The following ALOX5AP variants were observed in gnomAD, a reference collection of about 807,000 sequenced individuals.
The protein encoded by ALOX5AP is arachidonate 5-lipoxygenase activating protein, also known as arachidonate 5-lipoxygenase-activating protein.
A neutral mutation model predicts 18.5 loss-of-function variants in ALOX5AP; 9 were observed. That is an observed-to-expected ratio of 0.49 (90% CI 0.29 to 0.85). The LOEUF is 0.85. Among genes scored for constraint, ALOX5AP ranks in the 40% least tolerant of loss-of-function variants. The probability of loss-of-function intolerance (pLI) is 0.08; values close to 1 mark genes in which losing one functional copy is unlikely to be tolerated. For missense variants in ALOX5AP, 172 were observed against 202.5 expected, an observed-to-expected ratio of 0.85 and a Z score of 0.91; for synonymous variants, 81 against 78.6, an observed-to-expected ratio of 1.03 and a Z score of -0.16.
upstream of ALOX5AP, among the ~76,000 whole-genome samples, chr13:30,734,638 T>A (rs1009574096): frequency 6.6e-6 from 1 of 152,208 alleles, no homozygotes; most frequent in African/African-American, 2.4e-5. Context: ...CTACTCTTAT[T>A]CAGTTGAAAA....
intron 2 of ALOX5AP, among the ~76,000 whole-genome samples, chr13:30,744,682 T>TC (rs1202733333): frequency 6.6e-6 from 1 of 152,198 alleles, no homozygotes; most frequent in Non-Finnish European, 1.5e-5. Context: ...GCAGGTGCTT[T>TC]CCCCCTCTCT....
intron 2 of ALOX5AP, 105 bp downstream of exon 2, chr13:30,744,264 T>C (rs3803278): frequency 0.24 from 238,092 of 1,012,248 alleles, 29,809 homozygotes; most frequent in East Asian, 0.43. Flanking sequence ...CTGAGCCAAG[T>C]TTCTGAGCGC....
chr13:30,747,893 C>T (rs766089446), intron 2 of ALOX5AP, among the ~76,000 whole-genome samples: 33 of 151,972 alleles, frequency 2.2e-4, no homozygotes, highest in Non-Finnish European at 4.1e-4. Flanking sequence ...TCTTGGTGTC[C>T]ATTCTAGACT....
intron 2 of ALOX5AP, among the ~76,000 whole-genome samples, chr13:30,749,778 T>C (rs1951837204): frequency 6.6e-6 from 1 of 152,208 alleles, no homozygotes; most frequent in Non-Finnish European, 1.5e-5. Context: ...GTTTCTCATC[T>C]GTTACCTTCA....
chr13:30,713,747 G>A, exon 1 of ALOX5AP: 3 of 1,534,800 alleles, frequency 2.0e-6, no homozygotes, highest in East Asian at 2.4e-5. Context: ...TAATCACGAT[G>A]CTCCCTGGCA....
At chr13:30,753,409 G>C (rs1951867944) in intron 3 of ALOX5AP, among the ~76,000 whole-genome samples, 1 of 152,182 alleles carries the variant, frequency 6.6e-6, no homozygotes, top group South Asian at 2.1e-4. Flanking sequence ...GATGATGCTT[G>C]ATCTAGATGA....
upstream of ALOX5AP, among the ~76,000 whole-genome samples, chr13:30,734,486 A>G (rs145545316): frequency 1.7e-3 from 255 of 152,346 alleles, no homozygotes; most frequent in African/African-American, 5.9e-3. Flanking sequence ...TAAGTCTGGG[A>G]CAAAGATTGC....
At position 30,735,661 on chromosome 13, in the gene ALOX5AP, G is replaced by A; in HGVS notation, c.56G>A (p.Ser19Asn). 7 of 1,614,128 alleles carry A rather than the reference G, an allele frequency of 4.3e-6. No individual in the cohort carries two copies. The highest frequency in any genetic ancestry group is 5.9e-6 in the Non-Finnish European group (7 of 1,180,018). Residue 19 changes from serine (S) to asparagine (N), a missense_variant, in exon 1 of 5, where the codon AGC (serine) becomes AAC (asparagine). Transcript: ENST00000380490. ...CTGTTGGCCATCGTCACCCTCATCA[G>A]CGTGGTCCAGAATGGTAAGGAAAGC... ...VVLLAIVTLI[S>N]VVQNGFFAHK...
intron 1 of ALOX5AP, among the ~76,000 whole-genome samples, chr13:30,727,051 T>A (rs1298152299): frequency 1.0e-5 from 1 of 97,712 alleles, no homozygotes; most frequent in Non-Finnish European, 2.0e-5. Context: ...GGCAGAAGCA[T>A]GATTTTGCCT....
chr13:30,716,261 C>T (rs1225606602), intron 1 of ALOX5AP, among the ~76,000 whole-genome samples: 1 of 152,220 alleles, frequency 6.6e-6, no homozygotes, highest in Non-Finnish European at 1.5e-5. Context: ...AACACTGCAA[C>T]AACAGGGAAA....
intron 2 of ALOX5AP, among the ~76,000 whole-genome samples, chr13:30,747,001 G>C (rs9671182): frequency 0.5 from 75,549 of 152,030 alleles, 19,171 homozygotes; most frequent in East Asian, 0.62. Context: ...GATAGCTCAA[G>C]ATTCTGGGGC....
chr13:30,742,859 G>GCCCCCCCCCCCCCCCCCCCC (rs11316477), intron 1 of ALOX5AP, among the ~76,000 whole-genome samples: 10 of 105,962 alleles, frequency 9.4e-5, no homozygotes, highest in African/African-American at 1.9e-4. Context: ...GACCTTCACC[G>GCCCCCCCCCCCCCCCCCCCC]CCCCCCCCCC....
chr13:30,760,021 A>G (rs1017142757), intron 4 of ALOX5AP, among the ~76,000 whole-genome samples: 21 of 152,232 alleles, frequency 1.4e-4, no homozygotes, highest in African/African-American at 4.8e-4. Flanking sequence ...CTGAGAAATG[A>G]TTCATTCATT....
At chr13:30,734,121 T>C (rs17244967), upstream of ALOX5AP, among the ~76,000 whole-genome samples, 1,160 of 152,310 alleles carry the variant, frequency 7.6e-3, 5 homozygotes, top group Admixed American at 0.012. Context: ...GACTTATTTA[T>C]ATATTGGTTC....
intron 1 of ALOX5AP, among the ~76,000 whole-genome samples, chr13:30,716,259 A>T (rs1951549285): frequency 6.6e-6 from 1 of 152,224 alleles, no homozygotes; most frequent in South Asian, 2.1e-4. Context: ...CCAACACTGC[A>T]ACAACAGGGA....
chr13:30,754,166 G>A lies in ALOX5AP; in HGVS notation c.242-1778G>A, dbSNP rs376642797. ...AGGCAGGAGAATCACTTAAACCTGG[G>A]AGGCGGAGGTTGCGGTGAACCAAGA... On this transcript the variant is annotated intron_variant, in intron 3 of 4. Coordinates refer to ENST00000380490, the MANE Select transcript of ALOX5AP (RefSeq NM_001629.4). Among the ~76,000 whole-genome samples, 6 of 152,350 alleles carry A rather than the reference G, an allele frequency of 3.9e-5. No individual in the cohort carries two copies. In the East Asian group the frequency reaches 1.2e-3, roughly 29 times the overall value.
chr13:30,736,490 T>C (rs1208153817), intron 1 of ALOX5AP, among the ~76,000 whole-genome samples: 2 of 152,244 alleles, frequency 1.3e-5, no homozygotes, highest in Admixed American at 6.5e-5. Context: ...TTGTGTTTTA[T>C]ATTTATTAAG....
At chr13:30,727,459 C>G (rs1412417266) in intron 1 of ALOX5AP, among the ~76,000 whole-genome samples, 1 of 152,138 alleles carries the variant, frequency 6.6e-6, no homozygotes, top group East Asian at 1.9e-4. Flanking sequence ...TACGCTGGAG[C>G]CATGTTTCCC....
chr13:30,713,808 T>A lies in ALOX5AP; in HGVS notation c.83T>A (p.Leu28Ter). The A allele has an allele frequency of 6.5e-7, 1 of 1,535,452 alleles. No homozygotes were observed. The highest frequency in any genetic ancestry group is 8.7e-7 in the Non-Finnish European group (1 of 1,146,852). The change falls in exon 1 of 6, where the codon TTG becomes TAG. Residue 28 changes from leucine (L) to a stop codon, truncating the protein, a stop_gained. Transcript: ENST00000617770. LOFTEE classifies it high-confidence loss of function. Reference sequence around the variant, plus strand: ...GAATTTGGGAAATCCTTTGGCACCTTGGGGCACATTGGGAACATAAGCCAT... The same window carrying A: ...GAATTTGGGAAATCCTTTGGCACCTAGGGGCACATTGGGAACATAAGCCAT...
Sources: gnomAD v4.1 joint callset for allele counts (sites outside exome capture counted in the v4.1 genomes callset) on GRCh38, gnomAD v4.1.1 for gene constraint, MANE v1.5 for transcripts, NCBI Gene and HGNC (gene_info 2026-07-23, HGNC 2026-07-21) for gene names.